Variants in TBC1D19 observed in about 807,000 individuals in gnomAD.
TBC1D19 encodes the protein TBC1 domain family, member 19.
Under a neutral mutation model 89.0 loss-of-function variants are expected in TBC1D19, and 60 were observed. That is an observed-to-expected ratio of 0.67 (90% CI 0.55 to 0.84). The LOEUF (loss-of-function observed/expected upper bound fraction) is 0.84, where lower values mean the gene tolerates loss of function less well. TBC1D19 is among the 40% of genes least tolerant of loss of function. TBC1D19 has a pLI of 0.00. For synonymous variants in TBC1D19, 189 were observed against 199.7 expected (o/e 0.95, Z 0.45); for missense variants, 500 against 610.8 (o/e 0.82, Z 1.91).
chr4:26,786,479 A>G, the TBC1D19 span, among the ~76,000 whole-genome samples: 50 of 152,014 alleles, frequency 3.3e-4, 1 homozygote, highest in Admixed American at 1.1e-3. Context: ...CTAAAAATAC[A>G]AAAAATTAGC....
intron 5 of TBC1D19, among the ~76,000 whole-genome samples, 186 bp from the exon 6 acceptor site, chr4:26,638,585 T>G (rs746936836): frequency 3.9e-5 from 6 of 152,168 alleles, no homozygotes; most frequent in African/African-American, 9.7e-5. Flanking sequence ...CCATTGAGAC[T>G]AGATATAACA....
intron 13 of TBC1D19, among the ~76,000 whole-genome samples, chr4:26,694,085 G>A (rs1466326904): frequency 5.9e-5 from 9 of 152,102 alleles, no homozygotes; most frequent in South Asian, 2.1e-4. Flanking sequence ...AGTGTGAGCC[G>A]AAGCAGGGTG....
intron 13 of TBC1D19, among the ~76,000 whole-genome samples, chr4:26,707,738 C>G (rs1715850461): frequency 6.6e-6 from 1 of 151,646 alleles, no homozygotes. Context: ...TTGTGCTTCC[C>G]GTGAGGATTA....
chr4:26,643,856 G>A (rs954573841), intron 7 of TBC1D19, among the ~76,000 whole-genome samples: 6 of 151,850 alleles, frequency 4.0e-5, no homozygotes, highest in African/African-American at 2.4e-5. Flanking sequence ...CGACACATAC[G>A]CCCTCCCAAG....
chr4:26,614,382 T>G lies in TBC1D19; in HGVS notation c.173-26T>G, dbSNP rs76113874. The G allele has an allele frequency of 0.054, 80,286 of 1,476,988 alleles. 2,449 individuals carry two copies. The highest frequency in any genetic ancestry group is 0.078 in the Middle Eastern group (403 of 5,140). 91.5% of individuals were successfully genotyped at this position (1,476,988 alleles called of 1,614,324 possible). ...TTACTTAAAAACTAGTATGTTCATA[T>G]ATTTTATTCTTTTTTTAAAAAACAG... On this transcript the variant is annotated intron_variant, in intron 2 of 20. Coordinates refer to ENST00000264866, the MANE Select transcript of TBC1D19 (RefSeq NM_018317.4).
chr4:26,605,227 C>T (rs1276282858), intron 1 of TBC1D19, among the ~76,000 whole-genome samples: 6 of 129,898 alleles, frequency 4.6e-5, no homozygotes, highest in Admixed American at 8.0e-5. Flanking sequence ...CAACAGTCCC[C>T]GGAGTGTGAT....
chr4:26,597,026 A>T (rs2109969423), intron 1 of TBC1D19, among the ~76,000 whole-genome samples: 1 of 152,340 alleles, frequency 6.6e-6, no homozygotes, highest in East Asian at 1.9e-4. Flanking sequence ...GACCTCATAA[A>T]GAATGTTTAT....
At chr4:26,690,487 A>C (rs1714178079) in intron 13 of TBC1D19, among the ~76,000 whole-genome samples, 1 of 152,218 alleles carries the variant, frequency 6.6e-6, no homozygotes, top group Non-Finnish European at 1.5e-5. Context: ...AAAGCTTCAA[A>C]GGATATGCTG....
chr4:26,753,239 A>G (rs1198102047), intron 19 of TBC1D19, among the ~76,000 whole-genome samples: 4 of 152,256 alleles, frequency 2.6e-5, no homozygotes, highest in African/African-American at 9.6e-5. Context: ...CATATGAAAC[A>G]TAATCTGTTT....
intron 10 of TBC1D19, among the ~76,000 whole-genome samples, chr4:26,673,440 T>TACACACACACACAC (rs1186152445): frequency 5.0e-3 from 83 of 16,598 alleles, no homozygotes; most frequent in African/African-American, 0.011. Flanking sequence ...TATATATATA[T>TACACACACACACAC]ATATATACAC....
chr4:26,851,931 T>A, the TBC1D19 span, among the ~76,000 whole-genome samples: 1 of 152,250 alleles, frequency 6.6e-6, no homozygotes, highest in Non-Finnish European at 1.5e-5. Context: ...AGAAAGGGTA[T>A]GTCTGGGGAA....
At chr4:26,630,828 A>G (rs1409284937) in intron 4 of TBC1D19, among the ~76,000 whole-genome samples, 1 of 152,064 alleles carries the variant, frequency 6.6e-6, no homozygotes, top group African/African-American at 2.4e-5. Context: ...AGCATTCAGT[A>G]TATTAATATA....
chr4:26,736,518 C>T (rs1433719041), intron 16 of TBC1D19, among the ~76,000 whole-genome samples: 8 of 151,844 alleles, frequency 5.3e-5, no homozygotes, highest in African/African-American at 1.7e-4. Context: ...ACAATGTGCA[C>T]ATGTACCCTA....
At chr4:26,624,270 T>C (rs1454445864) in intron 4 of TBC1D19, among the ~76,000 whole-genome samples, 1 of 152,230 alleles carries the variant, frequency 6.6e-6, no homozygotes, top group Non-Finnish European at 1.5e-5. Context: ...GATGTTATTA[T>C]TGATTACCCC....
chr4:26,843,577 A>C, the TBC1D19 span, among the ~76,000 whole-genome samples: 1 of 151,376 alleles, frequency 6.6e-6, no homozygotes, highest in African/African-American at 2.4e-5. Context: ...CCCAAACTAA[A>C]TTTTAAACTT....
chr4:26,620,420 C>A (rs1332962807), intron 3 of TBC1D19, among the ~76,000 whole-genome samples, 193 bp from the exon 4 acceptor site: 2 of 152,142 alleles, frequency 1.3e-5, no homozygotes, highest in African/African-American at 4.8e-5. Context: ...TCAATCACCA[C>A]CTTATACTTA....
At chr4:26,694,302 G>A (rs1319529530) in intron 13 of TBC1D19, among the ~76,000 whole-genome samples, 1 of 152,132 alleles carries the variant, frequency 6.6e-6, no homozygotes, top group African/African-American at 2.4e-5. Context: ...CTCATTGCTA[G>A]CACAGCAGTC....
the TBC1D19 span, among the ~76,000 whole-genome samples, chr4:26,791,812 A>G: frequency 6.6e-6 from 1 of 152,136 alleles, no homozygotes; most frequent in African/African-American, 2.4e-5. Context: ...TTCCTTTTTG[A>G]GTGTATTAAG....
chr4:26,765,590 T>TCTCC, the TBC1D19 span, among the ~76,000 whole-genome samples: 1 of 152,100 alleles, frequency 6.6e-6, no homozygotes, highest in Admixed American at 6.6e-5. Context: ...AACGGGGATG[T>TCTCC]GTAGGTGAAC....
Sources: allele counts gnomAD v4.1 joint callset (sites outside exome capture counted in the v4.1 genomes callset), GRCh38; gene constraint gnomAD v4.1.1; transcripts MANE v1.5; gene names NCBI Gene and HGNC (gene_info 2026-07-23, HGNC 2026-07-21).